The following NUCB1 variants were observed in gnomAD, a reference collection of about 807,000 sequenced individuals.
The protein encoded by NUCB1 is nucleobindin 1.
In NUCB1, 47 loss-of-function variants were observed where a neutral mutation model predicts 61.2. The ratio of observed to expected loss-of-function variants is 0.77; its 90% confidence interval spans 0.61 to 0.98. The LOEUF (loss-of-function observed/expected upper bound fraction) is 0.98. Among genes scored for constraint, NUCB1 ranks in the 50% least tolerant of loss-of-function variants. The probability of loss-of-function intolerance (pLI) is 0.00; values close to 1 mark genes in which losing one functional copy is unlikely to be tolerated. For missense variants in NUCB1, 583 were observed against 605.3 expected (o/e 0.96, Z 0.39); for synonymous variants, 234 against 243.1 (o/e 0.96, Z 0.35).
At chr19:48,917,155 C>G (rs2047476256) in intron 7 of NUCB1, among the ~76,000 whole-genome samples, 1 of 151,400 alleles carries the variant, frequency 6.6e-6, no homozygotes, top group African/African-American at 2.4e-5. Flanking sequence ...CCGAGGAGTT[C>G]AAGGCTTCAG....
Position 48,919,105 on chromosome 19 carries a change from G to A in NUCB1, c.892G>A (p.Glu298Lys). ...GGAGGAGGAGCGACTGCGCATGCGG[G>A]AGCATGTGATGAAGAATGTGAGGTG... ...EMEEERLRMR[E>K]HVMKNVDTNQ... Residue 298 changes from glutamate to lysine, a missense_variant, in exon 9 of 13, where the codon GAG (glutamate) becomes AAG (lysine). Physicochemically the swap from Glu to Lys is moderately conservative, Grantham distance 56 (BLOSUM62 1). Transcript: ENST00000405315. 2.5e-6 allele frequency: 4 copies of A among 1,614,142 alleles called. No individual in the cohort carries two copies. Among genetic ancestry groups the A allele is most frequent in the Non-Finnish European group, 3.4e-6 (4 of 1,180,016 alleles).
At chr19:48,900,957 G>A (rs764171072) in intron 2 of NUCB1, 26 bp downstream of exon 2, 6 of 1,613,578 alleles carry the variant, frequency 3.7e-6, no homozygotes, top group Admixed American at 1.7e-5. Flanking sequence ...CTGCTATCCA[G>A]CCAGGTGTTT....
chr19:48,903,421 G>C (rs2037373273), intron 2 of NUCB1, among the ~76,000 whole-genome samples: 1 of 119,532 alleles, frequency 8.4e-6, no homozygotes, highest in African/African-American at 3.9e-5. Context: ...TGGATGGATG[G>C]GTGGGTGGAT....
At chr19:48,917,298 C>A (rs953806408) in intron 7 of NUCB1, among the ~76,000 whole-genome samples, 1 of 152,066 alleles carries the variant, frequency 6.6e-6, no homozygotes, top group Admixed American at 6.6e-5. Flanking sequence ...AGGTTCAGAG[C>A]AACTCCCTAT....
rs765135506 is a variant in NUCB1, at chr19:48,913,128, AAGG to A, written c.602_604del (p.Glu201del). ...GGAGTCACTGGGAGAGGAGCAGAGA[AAGG>A]AGGCGGAGAGGAAGCTGGAAGAGCA... is the stretch of plus-strand genomic sequence containing the variant. On this transcript the variant is annotated inframe_deletion, in exon 6 of 13. Coordinates refer to ENST00000405315, the MANE Select transcript of NUCB1 (RefSeq NM_006184.6). 6.8e-6 allele frequency: 11 copies of A among 1,613,788 alleles called. No homozygotes were observed. Among genetic ancestry groups the A allele is most frequent in the Non-Finnish European group, 9.3e-6 (11 of 1,179,990 alleles).
intron 7 of NUCB1, among the ~76,000 whole-genome samples, chr19:48,915,941 G>C (rs534498849): frequency 6.6e-6 from 1 of 152,002 alleles, no homozygotes; most frequent in Admixed American, 6.6e-5. Context: ...GTGCCACTGC[G>C]CCCAGCTTTA....
At chr19:48,917,486 G>C (rs2037553867) in intron 7 of NUCB1, among the ~76,000 whole-genome samples, 1 of 117,632 alleles carries the variant, frequency 8.5e-6, no homozygotes, top group Admixed American at 8.6e-5. Context: ...ACCATGCCCA[G>C]CCAATTTTTA....
rs138226207 is a variant in NUCB1 at position 48,911,137 on chromosome 19, C to T, written c.377-12C>T. On this transcript the variant is annotated splice_polypyrimidine_tract_variant and intron_variant, in intron 4 of 12. Coordinates refer to ENST00000405315, the MANE Select transcript of NUCB1 (RefSeq NM_006184.6). ...CATGCCCTCAGGTGTTGGACTCTTC[C>T]CTCTCTTCCAGATGTACAGGTGGAT... 20 of 1,595,276 alleles carry T rather than the reference C, an allele frequency of 1.3e-5. No individual in the cohort carries two copies. The African/African-American group carries it at 2.5e-4, about 20-fold the overall frequency.
Position 48,918,658 on chromosome 19 carries a change from C to A in NUCB1, c.758-68C>A, listed in dbSNP as rs772358714. 2.2e-6 allele frequency: 3 copies of A among 1,370,278 alleles called. No individual in the cohort carries two copies. In the East Asian group the frequency reaches 6.8e-5, roughly 31 times the overall value. The allele number at this position is 1,370,278 out of a possible 1,614,324, so 84.9% of individuals were successfully genotyped here. A position where few individuals can be genotyped will look rare whatever the true frequency, so the allele number is the denominator to read the frequency against. Reference sequence around the variant, plus strand: ...CAGACCCCACATCAGCCCAAAATTTCTTCACCAGGGACCTTACACATCCCG... The same window carrying A: ...CAGACCCCACATCAGCCCAAAATTTATTCACCAGGGACCTTACACATCCCG... On this transcript the variant is annotated intron_variant, in intron 7 of 12. Coordinates refer to ENST00000405315, the MANE Select transcript of NUCB1 (RefSeq NM_006184.6).
chr19:48,907,710 C>T (rs1385745424), intron 4 of NUCB1, among the ~76,000 whole-genome samples: 4 of 152,208 alleles, frequency 2.6e-5, no homozygotes, highest in African/African-American at 9.6e-5. Context: ...AACACCCAGG[C>T]TCTTCCCGTC....
In NUCB1 at chr19:48,900,766, C is replaced by T. The variant is rs535036400; in HGVS notation, c.-11-20C>T. 4 of 1,610,700 alleles carry T rather than the reference C, an allele frequency of 2.5e-6. No individual in the cohort carries two copies. The highest frequency in any genetic ancestry group is 3.3e-5 in the Admixed American group (2 of 59,918). On this transcript the variant is annotated intron_variant, in intron 1 of 12. Transcript: ENST00000405315. ...CTTGGGACAGACATTATGCATTATC[C>T]AGCCCTCCATCCCCCACAGACCACA...
chr19:48,907,945 G>C (rs1023555065), intron 4 of NUCB1, among the ~76,000 whole-genome samples: 1 of 152,162 alleles, frequency 6.6e-6, no homozygotes, highest in South Asian at 2.1e-4. Flanking sequence ...TCTTTCTCAG[G>C]GCTCTTTGCC....
chr19:48,913,419 T>G (rs1397246471), intron 6 of NUCB1, 55 bp from the exon 7 acceptor site: 6 of 1,496,262 alleles, frequency 4.0e-6, no homozygotes, highest in Non-Finnish European at 5.6e-6. Context: ...TATTTGGTTT[T>G]ATCCCATGGC....
intron 7 of NUCB1, among the ~76,000 whole-genome samples, chr19:48,917,149 G>A (rs938066294): frequency 2.0e-5 from 3 of 151,818 alleles, no homozygotes; most frequent in African/African-American, 7.3e-5. Flanking sequence ...CTTGAGCCGA[G>A]GAGTTCAAGG....
chr19:48,902,716 A>C (rs2037365654), intron 2 of NUCB1, among the ~76,000 whole-genome samples: 1 of 151,362 alleles, frequency 6.6e-6, no homozygotes, highest in Admixed American at 6.6e-5. Flanking sequence ...TGAACTGGAG[A>C]GATATGTTAA....
chr19:48,919,012 T>G lies in NUCB1; in HGVS notation c.817-18T>G. The G allele has an allele frequency of 6.2e-7, 1 of 1,611,060 alleles. No individual in the cohort carries two copies. The highest frequency in any genetic ancestry group is 8.5e-7 in the Non-Finnish European group (1 of 1,178,186). ...TGGGGACCTCTCAATGCTGTCTGCC[T>G]CTCGCTTGCTCCTGCAGCTGGAGAA... is the stretch of plus-strand genomic sequence containing the variant. On this transcript the variant is annotated intron_variant, in intron 8 of 12. Coordinates refer to ENST00000405315, the MANE Select transcript of NUCB1 (RefSeq NM_006184.6).
intron 7 of NUCB1, among the ~76,000 whole-genome samples, chr19:48,917,806 CTTT>C (rs60037055): frequency 1.4e-5 from 2 of 139,262 alleles, no homozygotes; most frequent in Non-Finnish European, 1.6e-5. Context: ...CAATTTTTTA[CTTT>C]TTTTTTTTTT....
intron 5 of NUCB1, among the ~76,000 whole-genome samples, chr19:48,912,104 A>T (rs1364310434): frequency 6.7e-6 from 1 of 149,690 alleles, no homozygotes; most frequent in East Asian, 2.0e-4. Context: ...AGCTCACTGC[A>T]GCCTCAACCT....
intron 4 of NUCB1, 112 bp downstream of exon 4, chr19:48,905,997 C>CGAAATGTGCT (rs1036340286): frequency 5.1e-5 from 57 of 1,115,050 alleles, no homozygotes; most frequent in Non-Finnish European, 6.7e-5. Context: ...CTCCCCGCTG[C>CGAAATGTGCT]GAAATGTGCT....
Sources: allele counts gnomAD v4.1 joint callset (sites outside exome capture counted in the v4.1 genomes callset), GRCh38; gene constraint gnomAD v4.1.1; transcripts MANE v1.5; gene names NCBI Gene and HGNC (gene_info 2026-07-23, HGNC 2026-07-21).